Variants in KIF21A observed in about 807,000 individuals in gnomAD.
KIF21A encodes the protein kinesin-like protein KIF21A.
Under a neutral mutation model 202.9 loss-of-function variants are expected in KIF21A, and 114 were observed. The observed-to-expected ratio is 0.56, with a 90% confidence interval of 0.48 to 0.66. KIF21A has a LOEUF of 0.66. KIF21A is among the 30% of genes least tolerant of loss of function. The pLI, the probability that KIF21A is intolerant of heterozygous loss-of-function variation, is 0.00. For missense variants in KIF21A, 1,677 were observed against 1,994.9 expected (o/e 0.84, Z 3.04); for synonymous variants, 667 against 670.8 (o/e 0.99, Z 0.09).
At chr12:39,301,152 C>A (rs181981006) in intron 37 of KIF21A, among the ~76,000 whole-genome samples, 1 of 152,112 alleles carries the variant, frequency 6.6e-6, no homozygotes, top group South Asian at 2.1e-4. Context: ...TGAAGAATGG[C>A]AAATTTGTTG....
chr12:39,357,442 T>C lies in KIF21A; in HGVS notation c.1216-5A>G, dbSNP rs372263394. ...TTCGTCAATTATTCTTTTACCCTAG[T>C]AAAGGAAAATAATGTCCTTGTTGGT... On this transcript the variant is annotated splice_region_variant and splice_polypyrimidine_tract_variant and intron_variant, in intron 8 of 37. Transcript: ENST00000361418. 1 of 1,611,480 alleles carries C rather than the reference T, an allele frequency of 6.2e-7. No homozygotes were observed. The highest frequency in any genetic ancestry group is 8.5e-7 in the Non-Finnish European group (1 of 1,177,884).
chr12:39,346,260 A>G (rs1947881820), intron 12 of KIF21A, among the ~76,000 whole-genome samples: 1 of 152,094 alleles, frequency 6.6e-6, no homozygotes, highest in Non-Finnish European at 1.5e-5. Context: ...TAATTCAAGT[A>G]TCTAGTGAAG....
chr12:39,352,292 G>A (rs1948450102), intron 10 of KIF21A, among the ~76,000 whole-genome samples: 2 of 152,030 alleles, frequency 1.3e-5, no homozygotes, highest in South Asian at 4.1e-4. Flanking sequence ...AAATGAGTTA[G>A]TCTTCATGCT....
rs182727167 is a variant in KIF21A, at chr12:39,387,827, T to C, written c.45-17566A>G. Among the ~76,000 whole-genome samples, 12 of 152,262 alleles carry C rather than the reference T, an allele frequency of 7.9e-5. 1 individual carries two copies. Among genetic ancestry groups the C allele is most frequent in the Admixed American group, 7.2e-4 (11 of 15,274 alleles). On this transcript the variant is annotated intron_variant, in intron 1 of 37. Coordinates refer to ENST00000361418, the MANE Select transcript of KIF21A (RefSeq NM_001173464.2). ...ATGAAACGTGGTGAGGGAGTAGAGA[T>C]GCTCCATGGATGAAAAAGACAGTGC...
rs765544647 is a variant in KIF21A, at chr12:39,311,472, T to G, written c.4041A>C (p.Thr1347=). The G allele has an allele frequency of 6.2e-7, 1 of 1,613,098 alleles. No homozygotes were observed. The highest frequency in any genetic ancestry group is 1.3e-5 in the African/African-American group (1 of 74,902). The change falls in exon 32 of 38, where the codon ACA becomes ACC. Residue 1347 remains threonine, a synonymous_variant. Transcript: ENST00000361418. The part of the protein sequence containing the change: ...LQCIHIAEGH[T]KAVLCVDSTD... ...TAGAATCCACACAGAGCACAGCTTT[T>G]GTATGCCCTTCAGCTATGTGAATAC...
rs972008582 is a variant in KIF21A, at chr12:39,416,817, A to G, written c.44+26110T>C. On this transcript the variant is annotated intron_variant, in intron 1 of 37. Transcript: ENST00000361418. ...TATATATGTACATATATATGTGTGTATATATGTACATATATGTGTATATAT... is the reference window on the plus strand; with the variant it reads ...TATATATGTACATATATATGTGTGTGTATATGTACATATATGTGTATATAT... Among the ~76,000 whole-genome samples, 11 of 142,872 alleles carry G rather than the reference A, an allele frequency of 7.7e-5. 1 individual carries two copies. The South Asian group carries it at 9.3e-4, about 12-fold the overall frequency. 93.7% of individuals were successfully genotyped at this position (142,872 alleles called of 152,430 possible). A position where few individuals can be genotyped will look rare whatever the true frequency, so the allele number is the denominator to read the frequency against.
At chr12:39,352,047 GT>G in intron 10 of KIF21A, 67 bp from the exon 11 acceptor site, 1 of 1,112,590 alleles carries the variant, frequency 9.0e-7, no homozygotes, top group Non-Finnish European at 1.4e-6. Flanking sequence ...ATAACATAAA[GT>G]GTACCACACT....
intron 14 of KIF21A, 44 bp downstream of exon 14, chr12:39,341,461 A>G (rs1415836566): frequency 6.3e-7 from 1 of 1,592,002 alleles, no homozygotes; most frequent in South Asian, 1.1e-5. Context: ...GGTTTAAACA[A>G]CTTCCCAAAA....
chr12:39,316,001 A>G, intron 29 of KIF21A, 31 bp from the exon 30 acceptor site: 1 of 1,488,966 alleles, frequency 6.7e-7, no homozygotes, highest in Non-Finnish European at 9.4e-7. Context: ...TTATGAGAGA[A>G]AGAATACAGA....
rs1942067565 is a variant in KIF21A at position 39,294,018 on chromosome 12, GT to G, written c.*405del. ...ATTTGACTAACATTTTCAATATTTA[GT>G]TTAAATACATAAATCACTTGAATAA... is the stretch of plus-strand genomic sequence containing the variant. On this transcript the variant is annotated 3_prime_UTR_variant, in exon 38 of 38. Coordinates refer to ENST00000361418, the MANE Select transcript of KIF21A (RefSeq NM_001173464.2). 1 of 175,002 alleles carries G rather than the reference GT, an allele frequency of 5.7e-6. No homozygotes were observed. The highest frequency in any genetic ancestry group is 1.4e-4 in the South Asian group (1 of 7,278). 10.8% of individuals were successfully genotyped at this position (175,002 alleles called of 1,614,324 possible). A position where few individuals can be genotyped will look rare whatever the true frequency, so the allele number is the denominator to read the frequency against.
chr12:39,342,452 T>A (rs1947522433), intron 12 of KIF21A, among the ~76,000 whole-genome samples: 1 of 152,180 alleles, frequency 6.6e-6, no homozygotes, highest in Non-Finnish European at 1.5e-5. Context: ...GCAATTTAAA[T>A]TGAAAAGAAA....
intron 1 of KIF21A, among the ~76,000 whole-genome samples, chr12:39,415,348 TC>T (rs1229164413): frequency 1.4e-5 from 2 of 146,124 alleles, no homozygotes; most frequent in Non-Finnish European, 3.0e-5. Flanking sequence ...CACGCCATTC[TC>T]CTACCTCAGC....
rs1422229372 is a variant in KIF21A, at chr12:39,387,557, TTCCC to T, written c.45-17300_45-17297del. Among the ~76,000 whole-genome samples, 17 of 152,334 alleles carry T rather than the reference TTCCC, an allele frequency of 1.1e-4. No homozygotes were observed. In the East Asian group the frequency reaches 3.3e-3, roughly 29 times the overall value. On this transcript the variant is annotated intron_variant, in intron 1 of 37. Transcript: ENST00000361418. ...ACAAGTAACTGCTAGGTTTCCTATC[TTCCC>T]CTTTCCAAATGGAGTATCTTTATCT...
chr12:39,363,843 C>A (rs935091863), intron 6 of KIF21A, among the ~76,000 whole-genome samples: 1 of 152,136 alleles, frequency 6.6e-6, no homozygotes, highest in Non-Finnish European at 1.5e-5. Context: ...CATGGGGAAA[C>A]CCCATCTCTA....
At chr12:39,382,854 T>C (rs1028534777) in intron 1 of KIF21A, among the ~76,000 whole-genome samples, 4 of 152,234 alleles carry the variant, frequency 2.6e-5, no homozygotes, top group African/African-American at 7.2e-5. Context: ...TCTAATAAAC[T>C]TGCATACATT....
intron 9 of KIF21A, 79 bp downstream of exon 9, chr12:39,357,169 C>T: frequency 8.2e-7 from 1 of 1,213,256 alleles, no homozygotes; most frequent in Non-Finnish European, 1.2e-6. Context: ...TTCAACTATG[C>T]TAGGTAATTA....
chr12:39,357,489 G>C, intron 8 of KIF21A, 52 bp from the exon 9 acceptor site: 1 of 1,478,874 alleles, frequency 6.8e-7, no homozygotes, highest in Non-Finnish European at 9.4e-7. Flanking sequence ...AAAAACACAA[G>C]AGTTTTGCTT....
rs550224397 is a variant in KIF21A, at chr12:39,355,636, A to G, written c.1469+1196T>C. Among the ~76,000 whole-genome samples, 60 of 149,558 alleles carry G rather than the reference A, an allele frequency of 4.0e-4. 1 individual carries two copies. The South Asian group carries it at 0.013, about 32-fold the overall frequency. The stretch of plus-strand genomic sequence containing the variant: ...AACACGGGGTAGAAACTGCAAGTCC[A>G]GGTTGGTTGCTGAGCAGAACCAGGA... On this transcript the variant is annotated intron_variant, in intron 10 of 37. Transcript: ENST00000361418.
chr12:39,333,769 G>A (rs185925560), intron 17 of KIF21A, among the ~76,000 whole-genome samples: 7 of 151,988 alleles, frequency 4.6e-5, no homozygotes, highest in African/African-American at 1.4e-4. Flanking sequence ...ATCTTATGGT[G>A]GATAAAGTAA....
Sources: allele counts gnomAD v4.1 joint callset (sites outside exome capture counted in the v4.1 genomes callset), GRCh38; gene constraint gnomAD v4.1.1; transcripts MANE v1.5; gene names NCBI Gene and HGNC (gene_info 2026-07-23, HGNC 2026-07-21).